TENT2: variants seen among roughly 807,000 people sequenced by gnomAD.
The protein encoded by TENT2 is poly(A) RNA polymerase GLD2.
In TENT2, 44 loss-of-function variants were observed where a neutral mutation model predicts 72.2. The observed-to-expected ratio is 0.61, with a 90% CI of 0.48 to 0.78. The LOEUF (loss-of-function observed/expected upper bound fraction) is 0.78, where lower values mean the gene tolerates loss of function less well. Among genes scored for constraint, TENT2 ranks in the 30% least tolerant of loss-of-function variants. The probability of loss-of-function intolerance (pLI) is 0.00; values close to 1 mark genes in which losing one functional copy is unlikely to be tolerated. For missense variants in TENT2, 541 were observed against 569.6 expected, an observed-to-expected ratio of 0.95 and a Z score of 0.51; for synonymous variants, 212 against 192.5, an observed-to-expected ratio of 1.10 and a Z score of -0.84.
At chr5:79,613,102 T>G (rs1178685893) in intron 1 of TENT2, 27 bp downstream of exon 1, 2 of 152,190 alleles carry the variant, frequency 1.3e-5, no homozygotes, top group Admixed American at 6.5e-5. Flanking sequence ...ATTAAAAAAT[T>G]TAAAAGGCAT....
At position 79,647,748 on chromosome 5, in the gene TENT2, G is replaced by A. The variant is rs574469640; in HGVS notation, c.822-869G>A. Reference sequence around the variant, plus strand: ...AAGTTGGGATCTCGCATAGGTATGAGTAGAACTGACTTACATAAAGTAATC... The same window carrying A: ...AAGTTGGGATCTCGCATAGGTATGAATAGAACTGACTTACATAAAGTAATC... On this transcript the variant is annotated intron_variant, in intron 8 of 14. Transcript: ENST00000453514. Among the ~76,000 whole-genome samples the A allele has an allele frequency of 1.1e-4, 16 of 152,252 alleles. No homozygotes were observed. The South Asian group carries it at 2.3e-3, about 22-fold the overall frequency.
intron 1 of TENT2, chr5:79,614,192 C>T (rs1049357490): frequency 2.7e-5 from 4 of 150,086 alleles, no homozygotes; most frequent in Non-Finnish European, 4.4e-5. Flanking sequence ...CAGCCTCTGC[C>T]TCCTGGGTTC....
At chr5:79,646,006 C>T in intron 8 of TENT2, among the ~76,000 whole-genome samples, 1 of 152,262 alleles carries the variant, frequency 6.6e-6, no homozygotes, top group African/African-American at 2.4e-5. Flanking sequence ...TCAGATCACC[C>T]AATACCATGT....
At chr5:79,675,744 A>G (rs1816781739) in intron 12 of TENT2, among the ~76,000 whole-genome samples, 1 of 152,228 alleles carries the variant, frequency 6.6e-6, no homozygotes, top group African/African-American at 2.4e-5. Context: ...GGGATATATT[A>G]CATTCAGTCT....
At chr5:79,629,645 G>C (rs1012749471) in intron 4 of TENT2, among the ~76,000 whole-genome samples, 1 of 150,104 alleles carries the variant, frequency 6.7e-6, no homozygotes, top group African/African-American at 2.5e-5. Flanking sequence ...GGCTAACATC[G>C]TGAAACCCCG....
rs1194409983 is a variant in TENT2, at chr5:79,649,209, T to G, written c.1027+19T>G. 2 of 1,603,392 alleles carry G rather than the reference T, an allele frequency of 1.2e-6. No homozygotes were observed. Among genetic ancestry groups the G allele is most frequent in the South Asian group, 2.2e-5 (2 of 90,236 alleles). ...TTACAAAGTAAGTATAATGGGGTTTTACCCAATTTTTAAAAGTAAAAGACA... is the reference window on the plus strand; with the variant it reads ...TTACAAAGTAAGTATAATGGGGTTTGACCCAATTTTTAAAAGTAAAAGACA... On this transcript the variant is annotated intron_variant, in intron 10 of 14. Transcript: ENST00000453514.
intron 10 of TENT2, among the ~76,000 whole-genome samples, chr5:79,651,310 G>T (rs1358091046): frequency 6.6e-6 from 1 of 151,426 alleles, no homozygotes; most frequent in Non-Finnish European, 1.5e-5. Flanking sequence ...CAAAAACATG[G>T]TCTTCTTAAA....
chr5:79,629,358 T>G (rs193233205), intron 4 of TENT2, among the ~76,000 whole-genome samples: 1 of 152,336 alleles, frequency 6.6e-6, no homozygotes. Context: ...ATACGGATTC[T>G]TAAGAGATCT....
At chr5:79,628,278 C>T (rs186014484) in intron 4 of TENT2, among the ~76,000 whole-genome samples, 1 of 152,268 alleles carries the variant, frequency 6.6e-6, no homozygotes, top group Non-Finnish European at 1.5e-5. Flanking sequence ...TAAAGTGGGG[C>T]AGTGGTTTGA....
At chr5:79,644,986 C>T in intron 7 of TENT2, 137 bp from the exon 8 acceptor site, 1 of 642,708 alleles carries the variant, frequency 1.6e-6, no homozygotes. Flanking sequence ...TGATAATGTC[C>T]TCACTTGTAT....
Position 79,623,505 on chromosome 5 carries a change from A to G in TENT2, c.465+16A>G. The G allele has an allele frequency of 6.6e-7, 1 of 1,526,310 alleles. No homozygotes were observed. Among genetic ancestry groups the G allele is most frequent in the South Asian group, 1.2e-5 (1 of 81,250 alleles). The allele number at this position is 1,526,310 out of a possible 1,614,324, so 94.5% of individuals were successfully genotyped here. On this transcript the variant is annotated intron_variant, in intron 4 of 14. Coordinates refer to ENST00000453514, the MANE Select transcript of TENT2 (RefSeq NM_001114394.3). ...CAAAGATAAGGTAATAATAATGTAGATTTTAGTTTTGCCTTTTGGGAATTT... is the reference window on the plus strand; with the variant it reads ...CAAAGATAAGGTAATAATAATGTAGGTTTTAGTTTTGCCTTTTGGGAATTT...
At chr5:79,675,632 T>C (rs1054457224) in intron 12 of TENT2, among the ~76,000 whole-genome samples, 2 of 152,180 alleles carry the variant, frequency 1.3e-5, no homozygotes, top group East Asian at 1.9e-4. Context: ...GGGGAGTAGA[T>C]TTAATCAGGG....
At chr5:79,626,848 T>G (rs926072740) in intron 4 of TENT2, among the ~76,000 whole-genome samples, 4 of 151,872 alleles carry the variant, frequency 2.6e-5, no homozygotes, top group Admixed American at 2.0e-4. Context: ...TAAGAACCTT[T>G]TTGCTGGGTG....
chr5:79,672,301 G>A (rs978204372), intron 12 of TENT2, among the ~76,000 whole-genome samples: 28 of 152,122 alleles, frequency 1.8e-4, no homozygotes, highest in East Asian at 5.8e-4. Flanking sequence ...AGCATTTATC[G>A]TTTGCATTAC....
chr5:79,634,097 A>G (rs2150253407), intron 4 of TENT2, among the ~76,000 whole-genome samples: 1 of 147,258 alleles, frequency 6.8e-6, no homozygotes, highest in South Asian at 2.3e-4. Context: ...CGGAGCTTGC[A>G]GTGAGCCGAA....
At chr5:79,631,371 G>A (rs1336408668) in intron 4 of TENT2, among the ~76,000 whole-genome samples, 4 of 152,212 alleles carry the variant, frequency 2.6e-5, no homozygotes, top group Admixed American at 2.6e-4. Context: ...AATAGGGATT[G>A]ACTCATGAGT....
intron 4 of TENT2, among the ~76,000 whole-genome samples, chr5:79,639,814 G>A (rs1175098334): frequency 1.3e-5 from 2 of 152,258 alleles, no homozygotes; most frequent in South Asian, 4.2e-4. Context: ...CCACATTATA[G>A]GAGTGTATAC....
At chr5:79,671,514 C>G (rs1314491474) in intron 12 of TENT2, among the ~76,000 whole-genome samples, 1 of 151,720 alleles carries the variant, frequency 6.6e-6, no homozygotes, top group Non-Finnish European at 1.5e-5. Context: ...AAGCAATTCT[C>G]CTGCCTCAGC....
chr5:79,656,161 A>G (rs1233985790), intron 10 of TENT2, among the ~76,000 whole-genome samples: 1 of 151,874 alleles, frequency 6.6e-6, no homozygotes, highest in African/African-American at 2.4e-5. Context: ...TTTTACAGTT[A>G]TTTCTTATAT....
Sources: allele counts gnomAD v4.1 joint callset (sites outside exome capture counted in the v4.1 genomes callset), GRCh38; gene constraint gnomAD v4.1.1; transcripts MANE v1.5; gene names NCBI Gene and HGNC (gene_info 2026-07-23, HGNC 2026-07-21).